AGAP1: variants seen among roughly 807,000 people sequenced by gnomAD.
AGAP1 encodes ArfGAP with GTPase domain, ankyrin repeat and PH domain 1, also known as arf-GAP with GTPase, ANK repeat and PH domain-containing protein 1.
In AGAP1, 29 loss-of-function variants were observed where a neutral mutation model predicts 105.3. The observed-to-expected ratio is 0.28, with a 90% CI of 0.21 to 0.38. The LOEUF (loss-of-function observed/expected upper bound fraction) is 0.38. Ranked by LOEUF, AGAP1 falls within the 10% of genes least tolerant of loss-of-function variation. AGAP1 has a pLI of 1.00. For synonymous variants in AGAP1, 509 were observed against 485.9 expected, an observed-to-expected ratio of 1.05 and a Z score of -0.63; for missense variants, 998 against 1,165.1, an observed-to-expected ratio of 0.86 and a Z score of 2.09.
Position 236,087,474 on chromosome 2 carries a change from A to T in AGAP1, c.2115-32718A>T, listed in dbSNP as rs2125857668. On this transcript the variant is annotated intron_variant, in intron 16 of 17. Coordinates refer to ENST00000304032, the MANE Select transcript of AGAP1 (RefSeq NM_001037131.3). The surrounding 1 kb of genome is among the most constrained non-coding windows in gnomAD (Gnocchi z 5.7). ...CTCTACCACACCATCTTCCCGAGAGAGCCTGTGCCCGCCCCACAGTCCCGG... is the reference window on the plus strand; with the variant it reads ...CTCTACCACACCATCTTCCCGAGAGTGCCTGTGCCCGCCCCACAGTCCCGG... Among the ~76,000 whole-genome samples, 1 of 152,258 alleles carries T rather than the reference A, an allele frequency of 6.6e-6. No homozygotes were observed. The highest frequency in any genetic ancestry group is 3.4e-3 in the Middle Eastern group (1 of 292).
intron 16 of AGAP1, among the ~76,000 whole-genome samples, chr2:236,079,529 CA>C (rs201191220): frequency 0.02 from 2,678 of 135,946 alleles, 61 homozygotes; most frequent in African/African-American, 0.053. Flanking sequence ...GACCTCGTCT[CA>C]AAAAAAAAAA....
In AGAP1 at chr2:236,101,772, C is replaced by T. The variant is rs927016366; in HGVS notation, c.2115-18420C>T. Reference sequence around the variant, plus strand: ...CCGCCGTGGGCTTCATGCCACGTTACGCGGAGTCTAGGACGGCCTCACCCC... The same window carrying T: ...CCGCCGTGGGCTTCATGCCACGTTATGCGGAGTCTAGGACGGCCTCACCCC... On this transcript the variant is annotated intron_variant, in intron 16 of 17. Transcript: ENST00000304032. The surrounding 1 kb of genome is among the most constrained non-coding windows in gnomAD (Gnocchi z 4.9). 3.9e-5 allele frequency among the ~76,000 whole-genome samples: 6 copies of T among 152,348 alleles called. No individual in the cohort carries two copies. Among genetic ancestry groups the T allele is most frequent in the Non-Finnish European group, 5.9e-5 (4 of 68,034 alleles).
At chr2:235,902,338 A>G (rs1006376875) in intron 10 of AGAP1, among the ~76,000 whole-genome samples, 2 of 152,198 alleles carry the variant, frequency 1.3e-5, no homozygotes, top group Non-Finnish European at 2.9e-5. Flanking sequence ...GCAATGTGAA[A>G]TCACTATTTT....
chr2:235,929,100 G>C (rs1030053553), intron 11 of AGAP1, among the ~76,000 whole-genome samples: 1 of 152,222 alleles, frequency 6.6e-6, no homozygotes, highest in African/African-American at 2.4e-5. Context: ...AAGCAGGGGA[G>C]CCCAGACCCG....
At chr2:235,852,079 A>G (rs2048490308) in intron 9 of AGAP1, among the ~76,000 whole-genome samples, 1 of 152,184 alleles carries the variant, frequency 6.6e-6, no homozygotes, top group African/African-American at 2.4e-5. Context: ...AACTGAAAAG[A>G]AGGTCAGGCC....
Position 235,740,997 on chromosome 2 carries a change from A to C in AGAP1, c.345A>C (p.Gly115=), listed in dbSNP as rs190673072. 5.0e-6 allele frequency: 8 copies of C among 1,614,202 alleles called. No homozygotes were observed. In the Admixed American group the frequency reaches 1.3e-4, roughly 27 times the overall value. ...GRFKKEIVVD[G]QSYLLLIRDE... is the part of the protein sequence containing the mutation. ...TCAAGAAAGAGATTGTCGTTGATGG[A>C]CAGAGCTATCTGCTGCTGATCAGAG... Residue 115 remains glycine (G), a synonymous_variant, in exon 4 of 18, where the codon GGA becomes GGC. Transcript: ENST00000304032. The surrounding 1 kb of genome is among the most constrained non-coding windows in gnomAD (Gnocchi z 5.7).
rs1038438715 is a variant in AGAP1 at position 235,877,092 on chromosome 2, G to T, written c.1051-6253G>T. On this transcript the variant is annotated intron_variant, in intron 9 of 17. Transcript: ENST00000304032. This position sits in a 1 kb window ranked among gnomAD's most constrained non-coding sequence, Gnocchi z 4.3. ...AAACTCCTGACCTCATGATCCACCC[G>T]CCTCGGCCTCCCAAAGTGCTGGAAT... Among the ~76,000 whole-genome samples the T allele has an allele frequency of 5.9e-5, 9 of 151,942 alleles. No individual in the cohort carries two copies. Among genetic ancestry groups the T allele is most frequent in the Admixed American group, 2.0e-4 (3 of 15,268 alleles).
chr2:235,795,257 C>T (rs114956230), intron 6 of AGAP1, among the ~76,000 whole-genome samples: 1 of 152,112 alleles, frequency 6.6e-6, no homozygotes, highest in Non-Finnish European at 1.5e-5. Flanking sequence ...TTTTTGCTTC[C>T]CCAAACAATT....
chr2:236,109,660 G>A lies in AGAP1; in HGVS notation c.2115-10532G>A, dbSNP rs932332725. Among the ~76,000 whole-genome samples the A allele has an allele frequency of 3.3e-5, 5 of 152,208 alleles. No homozygotes were observed. The highest frequency in any genetic ancestry group is 1.9e-4 in the East Asian group (1 of 5,162). On this transcript the variant is annotated intron_variant, in intron 16 of 17. Transcript: ENST00000304032. The surrounding 1 kb of genome is among the most constrained non-coding windows in gnomAD (Gnocchi z 5.4). ...CAGCCGTGGGAACGTCCTAGTCGGC[G>A]GCAGCGTCGGTGCTCTGGACCGGCA...
At chr2:235,593,439 A>G (rs1435438257) in intron 1 of AGAP1, among the ~76,000 whole-genome samples, 3 of 152,168 alleles carry the variant, frequency 2.0e-5, no homozygotes, top group Non-Finnish European at 4.4e-5. Context: ...ATCTAATTTT[A>G]GTTGTTTTAG....
At chr2:235,563,901 A>C (rs1272278111) in intron 1 of AGAP1, among the ~76,000 whole-genome samples, 1 of 152,094 alleles carries the variant, frequency 6.6e-6, no homozygotes, top group Middle Eastern at 3.2e-3. Context: ...CAGCAGGTTA[A>C]GAAGCTTGCT....
At chr2:235,806,718 C>T (rs1957853715) in intron 8 of AGAP1, among the ~76,000 whole-genome samples, 1 of 152,096 alleles carries the variant, frequency 6.6e-6, no homozygotes, top group Non-Finnish European at 1.5e-5. Flanking sequence ...TGCCATTTTC[C>T]AACCATCCAG....
In AGAP1 at chr2:235,970,206, TAAAAAA is replaced by T. The variant is rs35825564; in HGVS notation, c.1645+1600_1645+1605del. Reference sequence around the variant, plus strand: ...GGGCGACAGAGTGAGACTCTGTCTTTAAAAAAAAAAAAAAAAAAAAAAGACGATTTT... The same window carrying T: ...GGGCGACAGAGTGAGACTCTGTCTTTAAAAAAAAAAAAAAAAGACGATTTT... On this transcript the variant is annotated intron_variant, in intron 13 of 17. Coordinates refer to ENST00000304032, the MANE Select transcript of AGAP1 (RefSeq NM_001037131.3). This position sits in a 1 kb window ranked among gnomAD's most constrained non-coding sequence, Gnocchi z 5.4. Among the ~76,000 whole-genome samples, 2 of 117,904 alleles carry T rather than the reference TAAAAAA, an allele frequency of 1.7e-5. No individual in the cohort carries two copies. The highest frequency in any genetic ancestry group is 8.9e-5 in the Admixed American group (1 of 11,264). 77.3% of individuals were successfully genotyped at this position (117,904 alleles called of 152,430 possible). A position where few individuals can be genotyped will look rare whatever the true frequency, so the allele number is the denominator to read the frequency against.
rs181490080 is a variant in AGAP1, at chr2:235,747,064, G to A, written c.538+2225G>A. Among the ~76,000 whole-genome samples, 1 of 152,232 alleles carries A rather than the reference G, an allele frequency of 6.6e-6. No individual in the cohort carries two copies. Among genetic ancestry groups the A allele is most frequent in the East Asian group, 1.9e-4 (1 of 5,164 alleles). ...CCCAGAAGACACTCAGTGCATCCGTGGGTATGTGATAGGCATCTTAACAAT... is the reference window on the plus strand; with the variant it reads ...CCCAGAAGACACTCAGTGCATCCGTAGGTATGTGATAGGCATCTTAACAAT... On this transcript the variant is annotated intron_variant, in intron 5 of 17. Transcript: ENST00000304032. The surrounding 1 kb of genome is among the most constrained non-coding windows in gnomAD (Gnocchi z 5.0).
intron 13 of AGAP1, among the ~76,000 whole-genome samples, chr2:235,975,783 G>A (rs897989499): frequency 4.6e-5 from 7 of 152,014 alleles, no homozygotes; most frequent in Admixed American, 2.6e-4. Flanking sequence ...ACATTCCACC[G>A]GCACCTCCCG....
At chr2:235,791,985 G>A (rs1296854458) in intron 6 of AGAP1, among the ~76,000 whole-genome samples, 1 of 152,178 alleles carries the variant, frequency 6.6e-6, no homozygotes, top group Non-Finnish European at 1.5e-5. Context: ...TTAGTGTTTA[G>A]TCTCATGTGA....
At position 235,860,172 on chromosome 2, in the gene AGAP1, A is replaced by G. The variant is rs111797316; in HGVS notation, c.1051-23173A>G. Among the ~76,000 whole-genome samples, 496 of 152,370 alleles carry G rather than the reference A, an allele frequency of 3.3e-3. 4 individuals are homozygous for G. The highest frequency in any genetic ancestry group is 0.012 in the African/African-American group (486 of 41,584). ...TAAAACAGTGAAAAGATAGTTGTCA[A>G]GCAACAAAGGAAAGGGCATACCAGA... is the stretch of plus-strand genomic sequence containing the variant. On this transcript the variant is annotated intron_variant, in intron 9 of 17. Transcript: ENST00000304032.
chr2:235,794,311 G>T (rs1214318401), intron 6 of AGAP1, among the ~76,000 whole-genome samples: 1 of 152,158 alleles, frequency 6.6e-6, no homozygotes, highest in Non-Finnish European at 1.5e-5. Flanking sequence ...TCTCAGGAGG[G>T]TAATTAAATT....
chr2:235,758,912 C>A (rs1954162191), intron 6 of AGAP1, among the ~76,000 whole-genome samples: 1 of 152,212 alleles, frequency 6.6e-6, no homozygotes, highest in Non-Finnish European at 1.5e-5. Flanking sequence ...CCCGCCCCAG[C>A]CTCCCAAGTT....
Sources: gnomAD v4.1 joint callset for allele counts (sites outside exome capture counted in the v4.1 genomes callset) on GRCh38, gnomAD v4.1.1 for gene constraint, Gnocchi (gnomAD v3.1) non-coding constraint, MANE v1.5 for transcripts, NCBI Gene and HGNC (gene_info 2026-07-23, HGNC 2026-07-21) for gene names.